The following MINDY2 variants were observed in gnomAD, a reference collection of about 807,000 sequenced individuals.
MINDY2 encodes ubiquitin carboxyl-terminal hydrolase MINDY-2.
MINDY2 carries 52 observed loss-of-function variants against 68.2 expected under a neutral mutation model. That is an observed-to-expected ratio of 0.76 (90% CI 0.61 to 0.96). The LOEUF (loss-of-function observed/expected upper bound fraction) is 0.96, where lower values mean the gene tolerates loss of function less well. MINDY2 is among the 40% of genes least tolerant of loss of function. MINDY2 has a pLI of 0.00. For synonymous variants in MINDY2, 372 were observed against 303.0 expected (o/e 1.23, Z -2.36); for missense variants, 881 against 773.4 (o/e 1.14, Z -1.65).
chr15:58,814,480 G>C, intron 4 of MINDY2, among the ~76,000 whole-genome samples: 1 of 151,658 alleles, frequency 6.6e-6, no homozygotes, highest in Admixed American at 6.6e-5. Flanking sequence ...TCAAACTCCT[G>C]AGCTCATGTG....
At chr15:58,812,775 T>C (rs2030381759) in intron 4 of MINDY2, among the ~76,000 whole-genome samples, 1 of 152,194 alleles carries the variant, frequency 6.6e-6, no homozygotes, top group Admixed American at 6.5e-5. Flanking sequence ...GGAGGATCAC[T>C]TGTGCCCAGG....
chr15:58,781,918 A>G (rs141131113), intron 1 of MINDY2, among the ~76,000 whole-genome samples: 1,642 of 152,244 alleles, frequency 0.011, 66 homozygotes, highest in Admixed American at 0.087. Context: ...GAAAAAAAAA[A>G]GAAAGAAATA....
At chr15:58,837,977 A>C (rs2032083807) in intron 6 of MINDY2, among the ~76,000 whole-genome samples, 1 of 149,830 alleles carries the variant, frequency 6.7e-6, no homozygotes, top group East Asian at 2.2e-4. Context: ...TCAAAAAAAA[A>C]AAAAAAAAAA....
At chr15:58,820,265 A>AAAACAAAC (rs533263549) in intron 4 of MINDY2, among the ~76,000 whole-genome samples, 2 of 151,126 alleles carry the variant, frequency 1.3e-5, no homozygotes, top group South Asian at 4.2e-4. Flanking sequence ...ATTCCATCTC[A>AAAACAAAC]AAACAAACAA....
At chr15:58,833,331 C>G (rs1467970731) in intron 6 of MINDY2, among the ~76,000 whole-genome samples, 2 of 152,166 alleles carry the variant, frequency 1.3e-5, no homozygotes, top group African/African-American at 4.8e-5. Flanking sequence ...CTGCACTTTA[C>G]TGCCATATCT....
intron 1 of MINDY2, 125 bp from the exon 2 acceptor site, chr15:58,787,781 G>T: frequency 7.9e-5 from 32 of 403,326 alleles, no homozygotes; most frequent in Non-Finnish European, 1.1e-4. Flanking sequence ...TCTAATATAT[G>T]TGAATGTTAA....
In MINDY2 at chr15:58,861,329, C is replaced by T. The variant is rs1456936956; in HGVS notation, c.*6719C>T. On this transcript the variant is annotated 3_prime_UTR_variant, in exon 9 of 9. Coordinates refer to ENST00000559228, the MANE Select transcript of MINDY2 (RefSeq NM_001040450.3). ...AGGCCAAGACTGGCTACTGAGTTCT[C>T]AAAGCGTTTTAATATATAGATTACG... 1.3e-5 allele frequency: 2 copies of T among 152,184 alleles called. No homozygotes were observed. The highest frequency in any genetic ancestry group is 4.8e-5 in the African/African-American group (2 of 41,458). The allele number at this position is 152,184 out of a possible 1,614,324, so 9.4% of individuals were successfully genotyped here. A position where few individuals can be genotyped will look rare whatever the true frequency, so the allele number is the denominator to read the frequency against.
intron 6 of MINDY2, among the ~76,000 whole-genome samples, chr15:58,836,159 C>T (rs2031983036): frequency 6.6e-6 from 1 of 152,048 alleles, no homozygotes; most frequent in Non-Finnish European, 1.5e-5. Context: ...ATCTGCCTGC[C>T]TCGGCCTCCC....
intron 3 of MINDY2, among the ~76,000 whole-genome samples, chr15:58,804,620 A>G (rs1203479897): frequency 6.6e-6 from 1 of 152,064 alleles, no homozygotes; most frequent in East Asian, 1.9e-4. Flanking sequence ...AGCCTGGGCA[A>G]CATGGCAAAA....
intron 8 of MINDY2, among the ~76,000 whole-genome samples, chr15:58,853,506 G>A (rs2032931523): frequency 6.6e-6 from 1 of 151,822 alleles, no homozygotes; most frequent in African/African-American, 2.4e-5. Flanking sequence ...CAATTCTCAG[G>A]GGTTCTTTTC....
intron 4 of MINDY2, among the ~76,000 whole-genome samples, chr15:58,821,410 T>C (rs1484514123): frequency 6.6e-6 from 1 of 152,048 alleles, no homozygotes; most frequent in Non-Finnish European, 1.5e-5. Context: ...ATAGTTTATG[T>C]TTTATTTTGA....
In MINDY2 at chr15:58,847,281, G is replaced by T. The variant is rs1406803469; in HGVS notation, c.1369-16G>T. On this transcript the variant is annotated splice_polypyrimidine_tract_variant and intron_variant, in intron 6 of 8. Transcript: ENST00000559228. ...TCAATTTAACAGTCCTTTTTCTTTT[G>T]TTACTTCTTATTAAGGGTCAACTGT... 9.2e-6 allele frequency: 14 copies of T among 1,523,320 alleles called. No homozygotes were observed. The Admixed American group carries it at 1.6e-4, about 17-fold the overall frequency. The allele number at this position is 1,523,320 out of a possible 1,614,324, so 94.4% of individuals were successfully genotyped here.
chr15:58,810,174 T>C (rs531545084), intron 3 of MINDY2, 56 bp from the exon 4 acceptor site: 2 of 1,461,412 alleles, frequency 1.4e-6, no homozygotes, highest in African/African-American at 2.8e-5. Flanking sequence ...TTGAATATCT[T>C]TTTTGTTCTC....
In MINDY2 at chr15:58,851,772, A is replaced by G. The variant is rs1390866330; in HGVS notation, c.1544A>G (p.Asp515Gly). The change falls in exon 8 of 9, where the codon GAT becomes GGT. Residue 515 changes from aspartate (D) to glycine (G), a missense_variant and splice_region_variant. Physicochemically the swap from Asp to Gly is moderately conservative, Grantham distance 94 (BLOSUM62 -1). Transcript: ENST00000559228. The part of the protein sequence containing the change: ...YKGQQDQIDQ[D>G]YLMALSLQQE... ...GATGGTTATAATTTAATTTATTAGG[A>G]TTATCTTATGGCATTATCTCTACAA... 1.3e-6 allele frequency: 2 copies of G among 1,566,918 alleles called. No individual in the cohort carries two copies. The highest frequency in any genetic ancestry group is 8.6e-7 in the Non-Finnish European group (1 of 1,164,102).
Position 58,771,814 on chromosome 15 carries a change from A to T in MINDY2, c.419A>T (p.Gln140Leu), listed in dbSNP as rs1900429909. 6.2e-7 allele frequency: 1 copy of T among 1,609,814 alleles called. No individual in the cohort carries two copies. Among genetic ancestry groups the T allele is most frequent in the Non-Finnish European group, 8.5e-7 (1 of 1,178,742 alleles). The part of the protein sequence containing the change: ...GARPDLAGTC[Q>L]AELTAAGSEE... ...CGCCCGGATCTCGCCGGCACCTGCCAAGCAGAACTGACCGCCGCCGGCTCC... is the reference window on the plus strand; with the variant it reads ...CGCCCGGATCTCGCCGGCACCTGCCTAGCAGAACTGACCGCCGCCGGCTCC... The change falls in exon 1 of 9, where the codon CAA (glutamine) becomes CTA (leucine). Residue 140 changes from glutamine to leucine, a missense_variant. Physicochemically the swap from Gln to Leu is moderately radical, Grantham distance 113. Coordinates refer to ENST00000559228, the MANE Select transcript of MINDY2 (RefSeq NM_001040450.3).
intron 1 of MINDY2, among the ~76,000 whole-genome samples, chr15:58,776,096 G>A (rs1023707698): frequency 1.3e-5 from 2 of 152,070 alleles, no homozygotes; most frequent in Non-Finnish European, 2.9e-5. Flanking sequence ...CTGACCTCAG[G>A]TGATCCACCT....
Position 58,851,895 on chromosome 15 carries a change from G to A in MINDY2, c.1667G>A (p.Arg556Gln), listed in dbSNP as rs372499674. Residue 556 changes from arginine (R) to glutamine (Q), a missense_variant, in exon 8 of 9, where the codon CGG becomes CAG. Transcript: ENST00000559228. ...AKKLQEEEDR[R>Q]ASQYYQEQEQ... ...AAACTCCAAGAGGAAGAGGACAGACGGGCTTCTCAATACTATCAGGAACAG... is the reference window on the plus strand; with the variant it reads ...AAACTCCAAGAGGAAGAGGACAGACAGGCTTCTCAATACTATCAGGAACAG... 43 of 1,612,742 alleles carry A rather than the reference G, an allele frequency of 2.7e-5. No homozygotes were observed. The highest frequency in any genetic ancestry group is 4.5e-5 in the East Asian group (2 of 44,816).
Position 58,771,581 on chromosome 15 carries a change from C to A in MINDY2, c.186C>A (p.Ser62Arg). The A allele has an allele frequency of 6.2e-7, 1 of 1,611,544 alleles. No homozygotes were observed. Among genetic ancestry groups the A allele is most frequent in the Non-Finnish European group, 8.5e-7 (1 of 1,179,660 alleles). The change falls in exon 1 of 9, where the codon AGC becomes AGA. Residue 62 changes from serine to arginine, a missense_variant. By Grantham distance (110) the Ser-to-Arg change is moderately radical. Transcript: ENST00000559228. Reference sequence around the variant, plus strand: ...TGGGGGCGGCGGCCGCCAGGAGGAGCCTCCCGGACTCGGCTTCTCCCGCGG... The same window carrying A: ...TGGGGGCGGCGGCCGCCAGGAGGAGACTCCCGGACTCGGCTTCTCCCGCGG... ...NGLGAAAARR[S>R]LPDSASPAGS... is the part of the protein sequence containing the mutation.
rs1344243449 is a variant in MINDY2, at chr15:58,802,361, G to A, written c.947G>A (p.Arg316His). Residue 316 changes from arginine (R) to histidine (H), a missense_variant, in exon 3 of 9, where the codon CGT becomes CAT. Physicochemically the swap from Arg to His is conservative, Grantham distance 29. Transcript: ENST00000559228. ...AKPKEISEIQ[R>H]LNYEQNMSDA... ...CCAAAAGAAATTTCAGAAATTCAAC[G>A]TTTAAATTATGAACAGGTAATAAAC... 6.3e-6 allele frequency: 10 copies of A among 1,580,064 alleles called. No individual in the cohort carries two copies. Among genetic ancestry groups the A allele is most frequent in the East Asian group, 2.3e-5 (1 of 44,162 alleles).
Sources: gnomAD v4.1 joint callset for allele counts (sites outside exome capture counted in the v4.1 genomes callset) on GRCh38, gnomAD v4.1.1 for gene constraint, MANE v1.5 for transcripts, NCBI Gene and HGNC (gene_info 2026-07-23, HGNC 2026-07-21) for gene names.